Variants in PTPRS observed in about 807,000 individuals in gnomAD.
PTPRS encodes protein tyrosine phosphatase receptor type S, also known as receptor-type tyrosine-protein phosphatase S.
A neutral mutation model predicts 215.3 loss-of-function variants in PTPRS; 63 were observed. That is an observed-to-expected ratio of 0.29 (90% confidence interval 0.24 to 0.36). The LOEUF (loss-of-function observed/expected upper bound fraction) is 0.36, where lower values mean the gene tolerates loss of function less well. Ranked by LOEUF, PTPRS falls within the 10% of genes least tolerant of loss-of-function variation. The pLI is 1.00. For missense variants in PTPRS, 2,258 were observed against 2,825.8 expected (o/e 0.80, Z 4.56); for synonymous variants, 1,404 against 1,191.4 (o/e 1.18, Z -3.68).
At chr19:5,296,159 T>C (rs542092800) in intron 1 of PTPRS, among the ~76,000 whole-genome samples, 1 of 152,202 alleles carries the variant, frequency 6.6e-6, no homozygotes, top group South Asian at 2.1e-4. Context: ...GCCCTCAGGG[T>C]GTGGATGCTC....
rs1143700 is a variant in PTPRS at position 5,206,764 on chromosome 19, A to C, written c.*10T>G. On this transcript the variant is annotated 3_prime_UTR_variant, in exon 38 of 38. Coordinates refer to ENST00000262963, the MANE Select transcript of PTPRS (RefSeq NM_002850.4). ...GGCCAGTGGTGTCGGGCCTGGGGGG[A>C]ACCATGGCTTTAGGTTGCATAGTGG... 4.1e-5 allele frequency: 66 copies of C among 1,612,678 alleles called. No homozygotes were observed. Among genetic ancestry groups the C allele is most frequent in the Non-Finnish European group, 3.4e-5 (40 of 1,179,030 alleles).
At chr19:5,236,877 G>T (rs2043499229) in intron 13 of PTPRS, among the ~76,000 whole-genome samples, 1 of 148,494 alleles carries the variant, frequency 6.7e-6, no homozygotes, top group East Asian at 2.0e-4. Flanking sequence ...AACAATCAAG[G>T]AATGTGTCGG....
chr19:5,219,037 A>G (rs939860411), intron 23 of PTPRS: 4 of 631,986 alleles, frequency 6.3e-6, no homozygotes, highest in African/African-American at 1.8e-5. Context: ...TGCTATCCTC[A>G]TTGAACTGGA....
In PTPRS at chr19:5,266,780, C is replaced by CT. The variant is rs143019837; in HGVS notation, c.380-1585dup. Among the ~76,000 whole-genome samples the CT allele has an allele frequency of 9.9e-3, 1,505 of 152,220 alleles. 27 individuals are homozygous for CT. The highest frequency in any genetic ancestry group is 0.034 in the African/African-American group (1,419 of 41,524). On this transcript the variant is annotated intron_variant, in intron 4 of 37. Transcript: ENST00000262963. ...GCTGGCCCCTGCCACCTTCCCTCCT[C>CT]TTTTTCTCTCTGGCCCAGTCACCCT...
At chr19:5,324,451 AG>A (rs1446280234) in intron 1 of PTPRS, among the ~76,000 whole-genome samples, 1 of 152,104 alleles carries the variant, frequency 6.6e-6, no homozygotes, top group Non-Finnish European at 1.5e-5. Flanking sequence ...TGTGTATGGA[AG>A]GGGACACAGT....
intron 6 of PTPRS, among the ~76,000 whole-genome samples, chr19:5,262,496 A>C (rs557493761): frequency 6.6e-6 from 1 of 152,206 alleles, no homozygotes; most frequent in African/African-American, 2.4e-5. Flanking sequence ...GTGGATGAGA[A>C]GTGCCCAGTA....
At chr19:5,289,230 C>G (rs539469155) in intron 1 of PTPRS, among the ~76,000 whole-genome samples, 1 of 152,210 alleles carries the variant, frequency 6.6e-6, no homozygotes, top group South Asian at 2.1e-4. Flanking sequence ...AGGTCCTCTG[C>G]GAGGATTTGG....
chr19:5,243,989 G>A lies in PTPRS; in HGVS notation c.1482C>T (p.Asp494=), dbSNP rs754630715. ...CGAGCACCCGCACGGTGTAGGTCTC[G>A]TCCTCCAGCAGGCTGCCCACGGTGG... is the stretch of plus-strand genomic sequence containing the variant. ...LLTTVGSLLE[D]ETYTVRVLAF... is the part of the protein sequence containing the mutation. Residue 494 remains aspartate, a synonymous_variant, in exon 11 of 38, where the codon GAC becomes GAT. Coordinates refer to ENST00000262963, the MANE Select transcript of PTPRS (RefSeq NM_002850.4). 22 of 1,603,612 alleles carry A rather than the reference G, an allele frequency of 1.4e-5. No homozygotes were observed. The African/African-American group carries it at 1.6e-4, about 12-fold the overall frequency.
intron 37 of PTPRS, 108 bp from the exon 38 acceptor site, chr19:5,206,950 T>G: frequency 1.0e-6 from 1 of 963,870 alleles, no homozygotes; most frequent in Non-Finnish European, 1.6e-6. Flanking sequence ...TGCGTGTCTC[T>G]TGCAGAAGGT....
At chr19:5,245,728 C>T (rs367851720) in intron 10 of PTPRS, 48 bp downstream of exon 10, 18 of 1,509,374 alleles carry the variant, frequency 1.2e-5, no homozygotes, top group African/African-American at 9.7e-5. Flanking sequence ...AGTCGGGGAT[C>T]GACTCCAGCC....
intron 13 of PTPRS, 127 bp downstream of exon 13, chr19:5,238,791 CG>C (rs1176584117): frequency 9.8e-5 from 125 of 1,280,562 alleles, no homozygotes; most frequent in Non-Finnish European, 1.2e-4. Flanking sequence ...GGGAACAAAG[CG>C]GAGACAGGCC....
intron 1 of PTPRS, among the ~76,000 whole-genome samples, chr19:5,302,834 G>A (rs565980103): frequency 2.9e-4 from 44 of 149,968 alleles, no homozygotes; most frequent in Non-Finnish European, 4.6e-4. Context: ...GAGGCGGGCG[G>A]ATCACGAGGT....
intron 1 of PTPRS, among the ~76,000 whole-genome samples, chr19:5,308,272 T>C (rs934252846): frequency 6.6e-6 from 1 of 152,180 alleles, no homozygotes; most frequent in African/African-American, 2.4e-5. Context: ...TTTTGCTAAA[T>C]GGATGGGTGA....
At chr19:5,285,768 G>T (rs1400728355) in intron 2 of PTPRS, among the ~76,000 whole-genome samples, 2 of 152,214 alleles carry the variant, frequency 1.3e-5, no homozygotes, top group African/African-American at 4.8e-5. Context: ...TTAGTGCTTA[G>T]CATGGAGCCT....
At chr19:5,279,619 T>C (rs2047681903) in intron 2 of PTPRS, among the ~76,000 whole-genome samples, 1 of 152,118 alleles carries the variant, frequency 6.6e-6, no homozygotes, top group African/African-American at 2.4e-5. Flanking sequence ...GAACCTCCCA[T>C]CTCGGTCTCC....
chr19:5,208,505 G>T, intron 35 of PTPRS, 114 bp from the exon 36 acceptor site: 1 of 1,060,822 alleles, frequency 9.4e-7, no homozygotes. Context: ...TTTTGAGATG[G>T]AGTTTCACTC....
At chr19:5,311,778 C>T (rs369230759) in intron 1 of PTPRS, among the ~76,000 whole-genome samples, 20 of 152,050 alleles carry the variant, frequency 1.3e-4, no homozygotes, top group African/African-American at 3.4e-4. Flanking sequence ...CGGTGGCTCA[C>T]GCCTGTAATC....
chr19:5,231,321 G>T lies in PTPRS; in HGVS notation c.2144C>A (p.Thr715Asn). ...GPESSPVVVR[T>N]DEDVPSAPPR... is the part of the protein sequence containing the mutation. ...GGGCAGGTACTTACCATCCTCGTCG[G>T]TGCGGACGACCACGGGCGAGCTCTC... The change falls in exon 14 of 38, where the codon ACC becomes AAC. Residue 715 changes from threonine to asparagine, a missense_variant. Physicochemically the swap from Thr to Asn is moderately conservative, Grantham distance 65. Coordinates refer to ENST00000262963, the MANE Select transcript of PTPRS (RefSeq NM_002850.4). The T allele has an allele frequency of 1.2e-6, 2 of 1,608,156 alleles. No homozygotes were observed. The highest frequency in any genetic ancestry group is 1.7e-6 in the Non-Finnish European group (2 of 1,179,398).
chr19:5,303,950 C>CAAAAAAAAAAAAAAAATAAAAATAAA (rs1555805672), intron 1 of PTPRS, among the ~76,000 whole-genome samples: 2 of 95,712 alleles, frequency 2.1e-5, no homozygotes, highest in African/African-American at 1.2e-4. Context: ...GACTCTGTCT[C>CAAAAAAAAAAAAAAAATAAAAATAAA]AAAAAATAAT....
Sources: gnomAD v4.1 joint callset for allele counts (sites outside exome capture counted in the v4.1 genomes callset) on GRCh38, gnomAD v4.1.1 for gene constraint, MANE v1.5 for transcripts, NCBI Gene and HGNC (gene_info 2026-07-23, HGNC 2026-07-21) for gene names.